Variants in ASIC2 observed in about 807,000 individuals in gnomAD.
The protein encoded by ASIC2 is acid-sensing ion channel 2.
A neutral mutation model predicts 57.3 loss-of-function variants in ASIC2; 25 were observed. The ratio of observed to expected loss-of-function variants is 0.44; its 90% CI spans 0.32 to 0.61. The LOEUF (loss-of-function observed/expected upper bound fraction) is 0.61, where lower values mean the gene tolerates loss of function less well. ASIC2 is among the 20% of genes least tolerant of loss of function. The pLI, the probability that ASIC2 is intolerant of heterozygous loss-of-function variation, is 0.06. For missense variants in ASIC2, 641 were observed against 738.1 expected, an observed-to-expected ratio of 0.87 and a Z score of 1.52; for synonymous variants, 319 against 307.5, an observed-to-expected ratio of 1.04 and a Z score of -0.39.
At chr17:33,944,922 TCTCCTGAAGCTGAA>T (rs1387235970) in intron 1 of ASIC2, among the ~76,000 whole-genome samples, 3 of 152,130 alleles carry the variant, frequency 2.0e-5, no homozygotes, top group Non-Finnish European at 4.4e-5. Context: ...CCCCTGAGTC[TCTCCTGAAGCTGAA>T]CATTGGTTCC....
chr17:33,584,526 C>A (rs1246383552), intron 1 of ASIC2, among the ~76,000 whole-genome samples: 1 of 152,064 alleles, frequency 6.6e-6, no homozygotes, highest in African/African-American at 2.4e-5. Context: ...TGTGATAGAG[C>A]CCTGTCACCT....
chr17:33,716,564 C>T (rs964550770), intron 1 of ASIC2, among the ~76,000 whole-genome samples: 5 of 152,218 alleles, frequency 3.3e-5, no homozygotes, highest in African/African-American at 1.2e-4. Context: ...ATCAACTCTC[C>T]GTCTTTGCCA....
chr17:33,863,405 A>C (rs1914145762), intron 1 of ASIC2, among the ~76,000 whole-genome samples: 1 of 152,242 alleles, frequency 6.6e-6, no homozygotes, highest in Non-Finnish European at 1.5e-5. Flanking sequence ...TGTTTCTTGC[A>C]ATGGAGAAAT....
At chr17:33,113,858 T>G (rs959346068) in intron 1 of ASIC2, among the ~76,000 whole-genome samples, 2 of 152,258 alleles carry the variant, frequency 1.3e-5, no homozygotes, top group Non-Finnish European at 2.9e-5. Flanking sequence ...AATCTACATC[T>G]GTCTGATTCT....
At chr17:34,094,592 G>C (rs1313438038) in intron 1 of ASIC2, among the ~76,000 whole-genome samples, 1 of 152,212 alleles carries the variant, frequency 6.6e-6, no homozygotes, top group Non-Finnish European at 1.5e-5. Flanking sequence ...GTTCAGTTGG[G>C]TTCCACAGCA....
At chr17:33,821,572 C>T (rs1001345091) in intron 1 of ASIC2, among the ~76,000 whole-genome samples, 29 of 152,314 alleles carry the variant, frequency 1.9e-4, no homozygotes, top group African/African-American at 7.0e-4. Flanking sequence ...ACAGGTGCTG[C>T]CACAAGTCAA....
At chr17:33,240,093 CAA>C in intron 1 of ASIC2, among the ~76,000 whole-genome samples, 1 of 152,156 alleles carries the variant, frequency 6.6e-6, no homozygotes, top group Non-Finnish European at 1.5e-5. Flanking sequence ...ACCCAGGAGC[CAA>C]AAACCTTCCC....
At chr17:33,607,089 C>T (rs991074623) in intron 1 of ASIC2, among the ~76,000 whole-genome samples, 6 of 152,128 alleles carry the variant, frequency 3.9e-5, no homozygotes, top group African/African-American at 1.4e-4. Flanking sequence ...GAGCATCCTG[C>T]AGAAAATCAA....
chr17:33,072,622 G>C (rs1247590751), intron 3 of ASIC2, among the ~76,000 whole-genome samples: 1 of 152,202 alleles, frequency 6.6e-6, no homozygotes, highest in African/African-American at 2.4e-5. Flanking sequence ...CAACAGCCAG[G>C]TGACGTACGT....
intron 1 of ASIC2, among the ~76,000 whole-genome samples, chr17:33,969,690 A>G (rs1345900455): frequency 6.6e-6 from 1 of 152,162 alleles, no homozygotes; most frequent in African/African-American, 2.4e-5. Flanking sequence ...TCCAGCTCCC[A>G]TCATCAATGA....
intron 1 of ASIC2, among the ~76,000 whole-genome samples, chr17:33,403,562 C>T (rs1734218341): frequency 6.6e-6 from 1 of 152,160 alleles, no homozygotes; most frequent in African/African-American, 2.4e-5. Context: ...GTATTTTATT[C>T]TTCAGTGAAA....
intron 1 of ASIC2, among the ~76,000 whole-genome samples, chr17:34,099,592 AAG>A (rs1464048130): frequency 4.4e-4 from 66 of 150,118 alleles, no homozygotes; most frequent in African/African-American, 6.7e-4. Context: ...GAAGGAAAGA[AAG>A]AGAAAAAAGA....
chr17:33,064,688 C>T (rs1166733515), intron 3 of ASIC2, among the ~76,000 whole-genome samples: 7 of 152,184 alleles, frequency 4.6e-5, no homozygotes, highest in African/African-American at 1.2e-4. Flanking sequence ...TCTCAAACTC[C>T]GTGCTGGGAG....
At chr17:33,807,733 T>C (rs1912308839) in intron 1 of ASIC2, among the ~76,000 whole-genome samples, 1 of 152,250 alleles carries the variant, frequency 6.6e-6, no homozygotes, top group African/African-American at 2.4e-5. Context: ...TCCAATCATG[T>C]AACTCCCTCA....
intron 1 of ASIC2, among the ~76,000 whole-genome samples, chr17:33,893,121 G>A (rs1915006819): frequency 6.6e-6 from 1 of 152,152 alleles, no homozygotes; most frequent in Admixed American, 6.5e-5. Flanking sequence ...CTAATGCCAG[G>A]CACACATTAA....
chr17:33,577,736 GAC>G (rs1337238971), intron 1 of ASIC2, among the ~76,000 whole-genome samples: 20 of 152,198 alleles, frequency 1.3e-4, no homozygotes, highest in Non-Finnish European at 2.8e-4. Flanking sequence ...TCCCAGATAT[GAC>G]TGCTCAGCCT....
chr17:33,141,618 G>A (rs894702070), intron 1 of ASIC2, among the ~76,000 whole-genome samples: 1 of 152,236 alleles, frequency 6.6e-6, no homozygotes. Context: ...GAAGACAAAG[G>A]ACAGAGAGGG....
upstream of ASIC2, among the ~76,000 whole-genome samples, chr17:33,297,864 AAAT>A (rs199975381): frequency 9.4e-3 from 1,382 of 147,646 alleles, 16 homozygotes; most frequent in African/African-American, 0.029. Context: ...ATAAATAAAT[AAAT>A]AATAAAGTTT....
intron 2 of ASIC2, among the ~76,000 whole-genome samples, chr17:33,103,894 G>A (rs1285816596): frequency 6.6e-6 from 1 of 152,166 alleles, no homozygotes; most frequent in Admixed American, 6.5e-5. Context: ...GGGAGGATGT[G>A]TGGGGGGCCT....
Sources: allele counts gnomAD v4.1 joint callset (sites outside exome capture counted in the v4.1 genomes callset), GRCh38; gene constraint gnomAD v4.1.1; transcripts MANE v1.5; gene names NCBI Gene and HGNC (gene_info 2026-07-23, HGNC 2026-07-21).